The following SYNE2 variants were observed in gnomAD, a reference collection of about 807,000 sequenced individuals.
SYNE2 encodes the protein spectrin repeat containing nuclear envelope protein 2, also known as nesprin-2.
Under a neutral mutation model 856.3 loss-of-function variants are expected in SYNE2, and 431 were observed. That is an observed-to-expected ratio of 0.50 (90% CI 0.47 to 0.55). The LOEUF is 0.55. Ranked by LOEUF, SYNE2 falls within the 20% of genes least tolerant of loss-of-function variation. SYNE2 has a pLI of 0.00. For missense variants in SYNE2, 8,129 were observed against 8,023.2 expected (o/e 1.01, Z -0.50); for synonymous variants, 2,923 against 2,872.3 (o/e 1.02, Z -0.56).
chr14:63,880,516 A>G (rs2094835048), intron 1 of SYNE2, among the ~76,000 whole-genome samples: 1 of 152,130 alleles, frequency 6.6e-6, no homozygotes. Context: ...ATGTTATATC[A>G]ACTACCACAA....
chr14:63,892,207 C>T lies in SYNE2; in HGVS notation c.-51-16891C>T, dbSNP rs191856925. Among the ~76,000 whole-genome samples, 618 of 130,172 alleles carry T rather than the reference C, an allele frequency of 4.7e-3. 8 individuals carry two copies. Among genetic ancestry groups the T allele is most frequent in the African/African-American group, 0.014 (578 of 40,112 alleles). 85.4% of individuals were successfully genotyped at this position (130,172 alleles called of 152,430 possible). On this transcript the variant is annotated intron_variant, in intron 1 of 115. Transcript: ENST00000555002. Reference sequence around the variant, plus strand: ...TGCTCGTGCAGTTATATTATTCAAACGCTTGACAAACATACTGTTATAATT... The same window carrying T: ...TGCTCGTGCAGTTATATTATTCAAATGCTTGACAAACATACTGTTATAATT...
chr14:64,073,082 G>A (rs1300274589), intron 52 of SYNE2, among the ~76,000 whole-genome samples: 1 of 152,180 alleles, frequency 6.6e-6, no homozygotes, highest in African/African-American at 2.4e-5. Context: ...TGTCTTTTGG[G>A]TTTTTTTATG....
chr14:64,014,816 T>G (rs7157594), intron 32 of SYNE2, among the ~76,000 whole-genome samples: 122,633 of 150,702 alleles, frequency 0.81, 51,722 homozygotes, highest in Non-Finnish European at 0.93. Flanking sequence ...CATGATTATA[T>G]AATTTATTTC....
intron 49 of SYNE2, among the ~76,000 whole-genome samples, chr14:64,059,761 G>A (rs1340465714): frequency 2.0e-5 from 3 of 152,222 alleles, no homozygotes; most frequent in Admixed American, 2.0e-4. Context: ...TCCCTTAAGG[G>A]TGGCGAGTTG....
Position 63,949,873 on chromosome 14 carries a change from C to T in SYNE2, c.457C>T (p.Leu153=), listed in dbSNP as rs2096122964. Residue 153 remains leucine, a synonymous_variant, in exon 7 of 116, where the codon CTG becomes TTG. Coordinates refer to ENST00000555002, the MANE Select transcript of SYNE2 (RefSeq NM_182914.3). ...TTCTTGCAATTACAATCAGCCTTCC[C>T]TGGATGATGTGAGTGTGGTTGACTC... ...TLSCNYNQPS[L]DDVSVVDSSP... is the part of the protein sequence containing the mutation. The T allele has an allele frequency of 1.2e-6, 2 of 1,614,174 alleles. No homozygotes were observed. The highest frequency in any genetic ancestry group is 2.2e-5 in the East Asian group (1 of 44,880).
At chr14:63,785,238 C>T (rs962975649) in intron 1 of SYNE2, among the ~76,000 whole-genome samples, 2 of 151,978 alleles carry the variant, frequency 1.3e-5, no homozygotes, top group African/African-American at 4.8e-5. Context: ...GCGGGCAGAT[C>T]ATCTGAGCTC....
intron 8 of SYNE2, chr14:63,956,408 TTGA>T (rs1566905154): frequency 2.2e-6 from 1 of 456,678 alleles, no homozygotes; most frequent in Non-Finnish European, 4.4e-6. Context: ...TTAATTTTTA[TTGA>T]TGATTTTTTC....
At chr14:64,098,685 T>G (rs1277593021) in intron 62 of SYNE2, 62 bp from the exon 63 acceptor site, 2 of 1,558,448 alleles carry the variant, frequency 1.3e-6, no homozygotes, top group East Asian at 2.2e-5. Context: ...GCAGCTGGAC[T>G]GGGATCTTGG....
At chr14:64,181,897 A>AT (rs1257764321) in intron 96 of SYNE2, among the ~76,000 whole-genome samples, 4 of 152,214 alleles carry the variant, frequency 2.6e-5, no homozygotes, top group African/African-American at 9.7e-5. Flanking sequence ...TTGTCCAAAG[A>AT]TTGAGTCCTT....
At chr14:63,983,689 A>C in intron 17 of SYNE2, 48 bp from the exon 18 acceptor site, 1 of 1,489,292 alleles carries the variant, frequency 6.7e-7, no homozygotes, top group Non-Finnish European at 9.3e-7. Flanking sequence ...GTATATTAGC[A>C]TAAAATAAAA....
intron 105 of SYNE2, among the ~76,000 whole-genome samples, chr14:64,213,955 T>G (rs888941694): frequency 1.3e-5 from 2 of 152,236 alleles, no homozygotes; most frequent in Non-Finnish European, 1.5e-5. Flanking sequence ...TTCAGCTTTT[T>G]TTTCCTAAGA....
intron 1 of SYNE2, among the ~76,000 whole-genome samples, chr14:63,779,767 C>T (rs1055186831): frequency 6.6e-6 from 1 of 152,008 alleles, no homozygotes; most frequent in Non-Finnish European, 1.5e-5. Context: ...CAAAATTAGC[C>T]AGGCGTGGTG....
At position 64,225,628 on chromosome 14, in the gene SYNE2, C is replaced by T. The variant is rs144982869; in HGVS notation, c.*102C>T. ...GAGTGACTTAGTGTTGGCAAGGTCC[C>T]GGGACCTGTGCAGACTTCTTCTGGG... is the stretch of plus-strand genomic sequence containing the variant. On this transcript the variant is annotated 3_prime_UTR_variant, in exon 116 of 116. Coordinates refer to ENST00000555002, the MANE Select transcript of SYNE2 (RefSeq NM_182914.3). 1.6e-5 allele frequency: 21 copies of T among 1,307,906 alleles called. No individual in the cohort carries two copies. Among genetic ancestry groups the T allele is most frequent in the African/African-American group, 1.0e-4 (7 of 68,378 alleles). The allele number at this position is 1,307,906 out of a possible 1,614,324, so 81.0% of individuals were successfully genotyped here.
chr14:64,001,248 A>G (rs1462097638), intron 28 of SYNE2, among the ~76,000 whole-genome samples: 1 of 152,260 alleles, frequency 6.6e-6, no homozygotes, highest in Non-Finnish European at 1.5e-5. Context: ...AATATAACAA[A>G]TTATTCAATA....
intron 8 of SYNE2, among the ~76,000 whole-genome samples, chr14:63,957,246 C>T (rs565157751): frequency 4.3e-4 from 64 of 149,224 alleles, no homozygotes; most frequent in Middle Eastern, 6.8e-3. Context: ...TACAGGTGTG[C>T]GCCACCATGC....
chr14:63,907,307 C>T (rs1303636327), intron 1 of SYNE2, among the ~76,000 whole-genome samples: 1 of 152,204 alleles, frequency 6.6e-6, no homozygotes, highest in Non-Finnish European at 1.5e-5. Flanking sequence ...GGCAAACTCT[C>T]ACTCACCTTA....
intron 19 of SYNE2, among the ~76,000 whole-genome samples, chr14:63,987,746 T>A (rs865834233): frequency 5.9e-5 from 9 of 151,994 alleles, no homozygotes; most frequent in Non-Finnish European, 1.3e-4. Flanking sequence ...AAAAATGAGG[T>A]AGAAATTAAA....
intron 48 of SYNE2, among the ~76,000 whole-genome samples, chr14:64,054,220 G>A (rs1174473192): frequency 6.6e-6 from 1 of 152,000 alleles, no homozygotes; most frequent in African/African-American, 2.4e-5. Flanking sequence ...TGTTTTCCTC[G>A]TAGTCTCTGT....
chr14:64,172,925 A>G (rs1036635097), intron 94 of SYNE2, among the ~76,000 whole-genome samples: 4 of 149,620 alleles, frequency 2.7e-5, no homozygotes, highest in African/African-American at 1.0e-4. Flanking sequence ...ACAGAGCAAG[A>G]CCTGTCTGGA....
Sources: gnomAD v4.1 joint callset for allele counts (sites outside exome capture counted in the v4.1 genomes callset) on GRCh38, gnomAD v4.1.1 for gene constraint, MANE v1.5 for transcripts, NCBI Gene and HGNC (gene_info 2026-07-23, HGNC 2026-07-21) for gene names.